Variants in ARL15 observed in about 807,000 individuals in gnomAD.
ARL15 encodes ADP-ribosylation factor-like protein 15.
In ARL15, 19 loss-of-function variants were observed where a neutral mutation model predicts 25.2. The observed-to-expected ratio is 0.75, with a 90% CI of 0.53 to 1.10. The LOEUF (loss-of-function observed/expected upper bound fraction) is 1.10, where lower values mean the gene tolerates loss of function less well. ARL15 is among the 50% of genes least tolerant of loss of function. ARL15 has a pLI of 0.00. For missense variants in ARL15, 220 were observed against 246.0 expected, an observed-to-expected ratio of 0.89 and a Z score of 0.71; for synonymous variants, 94 against 86.8, an observed-to-expected ratio of 1.08 and a Z score of -0.46.
intron 4 of ARL15, among the ~76,000 whole-genome samples, chr5:53,952,269 AAAAC>A (rs1441527856): frequency 6.6e-6 from 1 of 152,186 alleles, no homozygotes; most frequent in African/African-American, 2.4e-5. Context: ...CTCAAAAATA[AAAAC>A]AAACAAACAA....
intron 1 of ARL15, among the ~76,000 whole-genome samples, chr5:54,198,786 G>GA (rs562238907): frequency 1.3e-5 from 2 of 150,778 alleles, no homozygotes; most frequent in East Asian, 1.9e-4. Context: ...CACAGAATTG[G>GA]AAAAAACTAC....
intron 4 of ARL15, among the ~76,000 whole-genome samples, chr5:53,930,266 T>G (rs1194239162): frequency 6.6e-6 from 1 of 152,192 alleles, no homozygotes; most frequent in Non-Finnish European, 1.5e-5. Flanking sequence ...ATCTCTTAAA[T>G]GTTACCTAAA....
intron 3 of ARL15, among the ~76,000 whole-genome samples, chr5:54,122,713 A>G (rs750825435): frequency 2.0e-5 from 3 of 152,236 alleles, no homozygotes; most frequent in Non-Finnish European, 4.4e-5. Context: ...TAAATAAAAT[A>G]TAATTGAATT....
chr5:54,230,152 C>A (rs1756626831), intron 1 of ARL15, among the ~76,000 whole-genome samples: 1 of 151,930 alleles, frequency 6.6e-6, no homozygotes, highest in African/African-American at 2.4e-5. Context: ...GAGTTCAAGA[C>A]CAGCCTGGCC....
At chr5:53,890,078 GCTGGGATTA>G (rs1390925632) in intron 4 of ARL15, among the ~76,000 whole-genome samples, 6 of 152,222 alleles carry the variant, frequency 3.9e-5, no homozygotes, top group African/African-American at 9.6e-5. Context: ...CTCCCAAAGT[GCTGGGATTA>G]CAGGCATGAG....
intron 4 of ARL15, among the ~76,000 whole-genome samples, chr5:54,000,012 T>G (rs1375054166): frequency 6.6e-6 from 1 of 152,200 alleles, no homozygotes; most frequent in Non-Finnish European, 1.5e-5. Context: ...AGCTAGTTAA[T>G]AAAAGGCTTT....
At chr5:54,280,409 A>C (rs914431535) in intron 1 of ARL15, among the ~76,000 whole-genome samples, 5 of 152,270 alleles carry the variant, frequency 3.3e-5, no homozygotes, top group Non-Finnish European at 7.3e-5. Context: ...CAGCTAAAGC[A>C]AAAGGTGATA....
At chr5:54,169,203 C>T (rs1348871770) in intron 2 of ARL15, among the ~76,000 whole-genome samples, 1 of 152,168 alleles carries the variant, frequency 6.6e-6, no homozygotes, top group Non-Finnish European at 1.5e-5. Flanking sequence ...TTCAAAACTG[C>T]TCCTCTAGCA....
At chr5:54,286,708 C>T (rs971752088) in intron 1 of ARL15, among the ~76,000 whole-genome samples, 4 of 152,084 alleles carry the variant, frequency 2.6e-5, no homozygotes, top group Non-Finnish European at 5.9e-5. Flanking sequence ...TCTGAAAATT[C>T]TGATTAAAAA....
chr5:53,949,896 G>C (rs1363475397), intron 4 of ARL15, among the ~76,000 whole-genome samples: 2 of 152,090 alleles, frequency 1.3e-5, no homozygotes, highest in Non-Finnish European at 1.5e-5. Flanking sequence ...AAAAACTTAG[G>C]ACTAAAGACT....
intron 1 of ARL15, among the ~76,000 whole-genome samples, chr5:54,294,564 C>A (rs1312901102): frequency 6.6e-6 from 1 of 152,164 alleles, no homozygotes; most frequent in Non-Finnish European, 1.5e-5. Context: ...TGAAATCCAG[C>A]CTTATAGAAT....
At chr5:54,239,941 T>A (rs979308519) in intron 1 of ARL15, among the ~76,000 whole-genome samples, 3 of 152,134 alleles carry the variant, frequency 2.0e-5, no homozygotes, top group Non-Finnish European at 4.4e-5. Context: ...TTCTAACACA[T>A]CATCGGCCGG....
intron 4 of ARL15, among the ~76,000 whole-genome samples, chr5:54,033,836 CAG>C (rs1250071633): frequency 2.0e-5 from 3 of 152,080 alleles, no homozygotes; most frequent in African/African-American, 4.8e-5. Flanking sequence ...TTTATTGAGA[CAG>C]AGTCTCGCTT....
chr5:53,956,858 A>G lies in ARL15; in HGVS notation c.463-70145T>C, dbSNP rs1486742214. Among the ~76,000 whole-genome samples the G allele has an allele frequency of 3.3e-5, 5 of 152,244 alleles. No individual in the cohort carries two copies. In the East Asian group the frequency reaches 9.7e-4, roughly 29 times the overall value. On this transcript the variant is annotated intron_variant, in intron 4 of 4. Transcript: ENST00000504924. ...AATAGCAGATGTGGGCAAGCAGAAA[A>G]AATAACCAGTGAACATGAAGATAGG...
At chr5:54,092,849 T>C (rs1374426791) in intron 4 of ARL15, among the ~76,000 whole-genome samples, 1 of 152,178 alleles carries the variant, frequency 6.6e-6, no homozygotes, top group African/African-American at 2.4e-5. Context: ...CTTAGATGTA[T>C]TTTAAATAGG....
At chr5:54,082,446 C>T (rs1429597854) in intron 4 of ARL15, among the ~76,000 whole-genome samples, 1 of 152,028 alleles carries the variant, frequency 6.6e-6, no homozygotes, top group Non-Finnish European at 1.5e-5. Flanking sequence ...TCAAAAACTA[C>T]ATATACATAC....
intron 1 of ARL15, among the ~76,000 whole-genome samples, chr5:54,240,232 TAA>T (rs36061787): frequency 3.4e-4 from 45 of 132,766 alleles, no homozygotes; most frequent in Admixed American, 9.2e-4. Flanking sequence ...ATCTCAAAAA[TAA>T]AAAAAAAAAA....
chr5:54,123,711 A>G (rs987321594), intron 3 of ARL15, among the ~76,000 whole-genome samples: 1 of 152,294 alleles, frequency 6.6e-6, no homozygotes, highest in East Asian at 1.9e-4. Context: ...TATACCATCA[A>G]GCAGGTTTCT....
intron 3 of ARL15, among the ~76,000 whole-genome samples, chr5:54,124,756 C>T (rs1753191574): frequency 6.6e-6 from 1 of 152,254 alleles, no homozygotes; most frequent in East Asian, 1.9e-4. Flanking sequence ...CATAGGTGCT[C>T]AATGATTTTG....
Sources: allele counts gnomAD v4.1 joint callset (sites outside exome capture counted in the v4.1 genomes callset), GRCh38; gene constraint gnomAD v4.1.1; transcripts MANE v1.5; gene names NCBI Gene and HGNC (gene_info 2026-07-23, HGNC 2026-07-21).